The following ACYP2 variants were observed in gnomAD, a reference collection of about 807,000 sequenced individuals.
ACYP2 encodes acylphosphatase 2.
A neutral mutation model predicts 11.2 loss-of-function variants in ACYP2; 12 were observed. That is an observed-to-expected ratio of 1.08 (90% confidence interval 0.69 to 1.74). The LOEUF (loss-of-function observed/expected upper bound fraction) is 1.74. Among genes scored for constraint, ACYP2 ranks in the 40% most tolerant of loss-of-function variants. The pLI is 0.00. For synonymous variants in ACYP2, 43 were observed against 32.2 expected (o/e 1.33, Z -1.13); for missense variants, 134 against 101.9 (o/e 1.31, Z -1.35).
chr2:54,122,944 T>C (rs1001434675), intron 4 of ACYP2, among the ~76,000 whole-genome samples: 4 of 152,160 alleles, frequency 2.6e-5, no homozygotes, highest in African/African-American at 9.7e-5. Context: ...TGCAGGTAAG[T>C]GGACTTTATA....
intron 2 of ACYP2, among the ~76,000 whole-genome samples, chr2:54,045,260 C>A (rs1675451697): frequency 6.6e-6 from 1 of 152,164 alleles, no homozygotes; most frequent in Non-Finnish European, 1.5e-5. Flanking sequence ...CCACGATCCC[C>A]TTAAAAACCC....
intron 2 of ACYP2, among the ~76,000 whole-genome samples, chr2:53,986,511 A>G (rs1433026577): frequency 1.4e-5 from 2 of 146,652 alleles, no homozygotes; most frequent in African/African-American, 2.5e-5. Context: ...TAATTTGTGT[A>G]TTTTTAGTAG....
At chr2:54,007,057 G>A (rs1262387177) in intron 2 of ACYP2, among the ~76,000 whole-genome samples, 4 of 147,154 alleles carry the variant, frequency 2.7e-5, no homozygotes, top group South Asian at 2.2e-4. Context: ...CCAAGGAGGC[G>A]GAACCTAGGA....
chr2:54,163,122 C>A (rs182573888), intron 6 of ACYP2, among the ~76,000 whole-genome samples: 1 of 152,168 alleles, frequency 6.6e-6, no homozygotes, highest in Non-Finnish European at 1.5e-5. Flanking sequence ...GATATTCTGC[C>A]TCTAACAAAC....
intron 6 of ACYP2, among the ~76,000 whole-genome samples, chr2:54,167,474 C>T (rs749027321): frequency 9.2e-5 from 14 of 152,146 alleles, no homozygotes; most frequent in Non-Finnish European, 1.9e-4. Flanking sequence ...GTAATACCCA[C>T]ATTTAGATTT....
chr2:54,219,427 C>T (rs1055164922), intron 6 of ACYP2, among the ~76,000 whole-genome samples: 3 of 151,880 alleles, frequency 2.0e-5, no homozygotes, highest in Middle Eastern at 3.4e-3. Context: ...TGAATGCCAC[C>T]GTGAAGAGTT....
At chr2:53,980,352 C>CA (rs1046550768) in intron 2 of ACYP2, among the ~76,000 whole-genome samples, 306 of 144,966 alleles carry the variant, frequency 2.1e-3, no homozygotes, top group African/African-American at 7.2e-3. Context: ...GACCCTGTCT[C>CA]AAAAAAAAAA....
intron 6 of ACYP2, among the ~76,000 whole-genome samples, chr2:54,217,756 A>G (rs1251397667): frequency 2.0e-5 from 3 of 152,202 alleles, no homozygotes; most frequent in Admixed American, 2.0e-4. Flanking sequence ...TGGGTTAAAA[A>G]AAAGTAAGAG....
At chr2:54,165,222 C>G (rs888778005) in intron 6 of ACYP2, among the ~76,000 whole-genome samples, 1 of 152,118 alleles carries the variant, frequency 6.6e-6, no homozygotes, top group Non-Finnish European at 1.5e-5. Context: ...ATTTCAGTGG[C>G]ATTACCTTGC....
Position 54,070,270 on chromosome 2 carries a change from CAA to C in ACYP2, c.277+12927_277+12928del, listed in dbSNP as rs200624759. On this transcript the variant is annotated intron_variant, in intron 4 of 6. Coordinates refer to ENST00000607452, the MANE Select transcript of ACYP2 (RefSeq NM_001320586.2). ...GGACAACAAGAGCAAAAGTCCATCT[CAA>C]AAAAAAAAAAAAAAAAGAAAGAAAG... Among the ~76,000 whole-genome samples the C allele has an allele frequency of 1.5e-3, 133 of 89,878 alleles. No homozygotes were observed. In the Middle Eastern group the frequency reaches 0.018, roughly 12 times the overall value. The allele number at this position is 89,878 out of a possible 152,430, so 59.0% of individuals were successfully genotyped here.
At chr2:54,227,056 G>A (rs1686038188) in intron 6 of ACYP2, among the ~76,000 whole-genome samples, 1 of 152,166 alleles carries the variant, frequency 6.6e-6, no homozygotes, top group Non-Finnish European at 1.5e-5. Flanking sequence ...GTATCTGCAA[G>A]CCATTGGGTA....
At chr2:54,136,736 G>T (rs1324431641) in intron 5 of ACYP2, among the ~76,000 whole-genome samples, 1 of 152,158 alleles carries the variant, frequency 6.6e-6, no homozygotes, top group Admixed American at 6.5e-5. Flanking sequence ...AGCACTTTGG[G>T]AGGCTGAGGC....
intron 6 of ACYP2, among the ~76,000 whole-genome samples, chr2:54,258,174 T>TAAGTGCTA (rs1687638032): frequency 6.6e-6 from 1 of 151,760 alleles, no homozygotes; most frequent in South Asian, 2.1e-4. Context: ...TAGAAAGTTA[T>TAAGTGCTA]AAGTGCTATG....
chr2:54,166,389 T>A (rs1163270405), intron 6 of ACYP2, among the ~76,000 whole-genome samples: 1 of 152,134 alleles, frequency 6.6e-6, no homozygotes, highest in Non-Finnish European at 1.5e-5. Flanking sequence ...GATGGATGGG[T>A]AGACACAGAA....
At chr2:54,251,974 T>C (rs1362521637) in intron 6 of ACYP2, among the ~76,000 whole-genome samples, 1 of 152,164 alleles carries the variant, frequency 6.6e-6, no homozygotes, top group Non-Finnish European at 1.5e-5. Flanking sequence ...AGGGAACCAG[T>C]GCAAACACTG....
intron 2 of ACYP2, among the ~76,000 whole-genome samples, chr2:54,045,967 T>G (rs1675499550): frequency 6.6e-6 from 1 of 151,452 alleles, no homozygotes; most frequent in Admixed American, 6.6e-5. Flanking sequence ...GCTCAGGAGC[T>G]CTAGAACAGC....
At chr2:54,201,057 G>T (rs1684731327) in intron 6 of ACYP2, among the ~76,000 whole-genome samples, 1 of 151,596 alleles carries the variant, frequency 6.6e-6, no homozygotes, top group Non-Finnish European at 1.5e-5. Context: ...ACTCTTTAGG[G>T]AAATGTCTAT....
chr2:53,986,595 G>A (rs1213515001), intron 2 of ACYP2, among the ~76,000 whole-genome samples: 2 of 149,128 alleles, frequency 1.3e-5, no homozygotes, highest in Admixed American at 1.3e-4. Context: ...CTCCCAAAGT[G>A]CTGGAATTAC....
At position 54,126,545 on chromosome 2, in the gene ACYP2, A is replaced by G. The variant is rs1050472513; in HGVS notation, c.278-8908A>G. Reference sequence around the variant, plus strand: ...GGAAGTTTCAACATTTTTTACATACATACACAATACTAAGTCAGCGTTGTG... The same window carrying G: ...GGAAGTTTCAACATTTTTTACATACGTACACAATACTAAGTCAGCGTTGTG... On this transcript the variant is annotated intron_variant, in intron 4 of 6. Transcript: ENST00000607452. Among the ~76,000 whole-genome samples, 28 of 151,144 alleles carry G rather than the reference A, an allele frequency of 1.9e-4. No homozygotes were observed. In the Admixed American group the frequency reaches 1.9e-3, roughly 10 times the overall value.
Sources: allele counts gnomAD v4.1 joint callset (sites outside exome capture counted in the v4.1 genomes callset), GRCh38; gene constraint gnomAD v4.1.1; transcripts MANE v1.5; gene names NCBI Gene and HGNC (gene_info 2026-07-23, HGNC 2026-07-21).